Variants in PIGB observed in about 807,000 individuals in gnomAD.
PIGB encodes the protein GPI alpha-1,2-mannosyltransferase 3.
Under a neutral mutation model 68.4 loss-of-function variants are expected in PIGB, and 58 were observed. The ratio of observed to expected loss-of-function variants is 0.85; its 90% CI spans 0.69 to 1.06. PIGB has a LOEUF of 1.06. Among genes scored for constraint, PIGB ranks in the 50% least tolerant of loss-of-function variants. The pLI, the probability that PIGB is intolerant of heterozygous loss-of-function variation, is 0.00. For synonymous variants in PIGB, 219 were observed against 220.5 expected, an observed-to-expected ratio of 0.99 and a Z score of 0.06; for missense variants, 634 against 655.8, an observed-to-expected ratio of 0.97 and a Z score of 0.36.
chr15:55,323,878 G>A (rs904360345), intron 3 of PIGB, among the ~76,000 whole-genome samples: 15 of 152,150 alleles, frequency 9.9e-5, no homozygotes, highest in African/African-American at 3.1e-4. Context: ...GGGAACCACA[G>A]TAAGGTTTGT....
At chr15:55,336,971 C>T (rs12050663) in intron 6 of PIGB, among the ~76,000 whole-genome samples, 48,070 of 152,100 alleles carry the variant, frequency 0.32, 8,457 homozygotes, top group East Asian at 0.56. Flanking sequence ...GCCTGGGCAA[C>T]AGAGTGAGGC....
rs138854023 is a variant in PIGB, at chr15:55,325,365, G to A, written c.418-2166G>A. On this transcript the variant is annotated intron_variant, in intron 3 of 11. Transcript: ENST00000164305. Reference sequence around the variant, plus strand: ...AAAATAAAAAAATAAATAAACTCACGTATAAATTTTTAGAAACACATCTTT... The same window carrying A: ...AAAATAAAAAAATAAATAAACTCACATATAAATTTTTAGAAACACATCTTT... Among the ~76,000 whole-genome samples the A allele has an allele frequency of 1.4e-4, 21 of 151,986 alleles. 1 individual carries two copies. The Middle Eastern group carries it at 0.017, about 123-fold the overall frequency.
chr15:55,352,464 G>A (rs1226997658), intron 10 of PIGB, among the ~76,000 whole-genome samples: 1 of 152,166 alleles, frequency 6.6e-6, no homozygotes, highest in African/African-American at 2.4e-5. Flanking sequence ...TAATGGTATA[G>A]GGGCAAAGGA....
At chr15:55,341,300 G>C (rs962002274) in intron 8 of PIGB, among the ~76,000 whole-genome samples, 1 of 152,196 alleles carries the variant, frequency 6.6e-6, no homozygotes, top group African/African-American at 2.4e-5. Context: ...ATTTAAGGTT[G>C]CAGTGAGCTA....
At chr15:55,333,292 C>A (rs1402145482) in intron 5 of PIGB, among the ~76,000 whole-genome samples, 1 of 152,062 alleles carries the variant, frequency 6.6e-6, no homozygotes, top group African/African-American at 2.4e-5. Context: ...AAGTAACCTG[C>A]AAAAGTTAAT....
At position 55,355,372 on chromosome 15, in the gene PIGB, TCA is replaced by T; in HGVS notation, c.1608_1609del (p.Tyr538CysfsTer3). The stretch of plus-strand genomic sequence containing the variant: ...ACTTGCCAGAGGGTCGAATTGGAAG[TCA>T]CATATATGTCTATGAACGGAAGTTA... Reference protein sequence around the residue: ...THLPEGRIGSHIYVYERKLKG... With the variant: ...THLPEGRIGSXIYVYERKLKG... On this transcript the variant is annotated frameshift_variant, in exon 12 of 12. Coordinates refer to ENST00000164305, the MANE Select transcript of PIGB (RefSeq NM_004855.5). LOFTEE classifies it high-confidence loss of function. The T allele has an allele frequency of 6.2e-7, 1 of 1,611,668 alleles. No homozygotes were observed. The highest frequency in any genetic ancestry group is 8.5e-7 in the Non-Finnish European group (1 of 1,177,928).
chr15:55,332,806 T>C (rs1020298452), intron 5 of PIGB, among the ~76,000 whole-genome samples: 2 of 152,250 alleles, frequency 1.3e-5, no homozygotes, highest in African/African-American at 4.8e-5. Flanking sequence ...TCCATAGTCC[T>C]CATGATTAAA....
chr15:55,323,039 G>A (rs1415699573), intron 3 of PIGB, among the ~76,000 whole-genome samples: 2 of 152,122 alleles, frequency 1.3e-5, no homozygotes, highest in Non-Finnish European at 2.9e-5. Context: ...GTCATTTTGT[G>A]ATGTGAAGGA....
At chr15:55,342,280 G>T (rs958237175) in intron 9 of PIGB, among the ~76,000 whole-genome samples, 5 of 152,138 alleles carry the variant, frequency 3.3e-5, no homozygotes, top group African/African-American at 1.2e-4. Flanking sequence ...AAACTGTAAG[G>T]GTCTTCATTT....
intron 9 of PIGB, among the ~76,000 whole-genome samples, chr15:55,347,783 A>G (rs2055827767): frequency 6.6e-6 from 1 of 152,182 alleles, no homozygotes; most frequent in Non-Finnish European, 1.5e-5. Context: ...CTAAGCTCAG[A>G]GAGTTAAAAT....
intron 10 of PIGB, chr15:55,351,496 T>C (rs576924058): frequency 2.0e-5 from 3 of 152,412 alleles, no homozygotes; most frequent in African/African-American, 7.2e-5. Context: ...CTGATAGTCT[T>C]CTTAGTAAAG....
intron 9 of PIGB, chr15:55,346,433 C>T (rs2055796416): frequency 2.6e-5 from 4 of 152,186 alleles, no homozygotes; most frequent in Admixed American, 2.6e-4. Context: ...TAGTCCCATT[C>T]CCCAGAGGTA....
intron 10 of PIGB, among the ~76,000 whole-genome samples, chr15:55,352,650 G>T (rs1342269820): frequency 6.6e-6 from 1 of 152,172 alleles, no homozygotes; most frequent in South Asian, 2.1e-4. Flanking sequence ...TTGGCCAGGT[G>T]TTGTGGCGCA....
intron 9 of PIGB, 134 bp downstream of exon 9, chr15:55,341,936 C>T (rs1452594370): frequency 2.7e-6 from 1 of 372,236 alleles, no homozygotes; most frequent in Non-Finnish European, 4.8e-6. Flanking sequence ...TATATTACTG[C>T]AATATTCCCT....
intron 6 of PIGB, among the ~76,000 whole-genome samples, chr15:55,334,931 C>G (rs1044925694): frequency 6.6e-6 from 1 of 152,152 alleles, no homozygotes; most frequent in Non-Finnish European, 1.5e-5. Context: ...TGTTGGCCAG[C>G]TAGTCTCAAA....
At chr15:55,341,707 T>C in intron 8 of PIGB, 31 bp from the exon 9 acceptor site, 2 of 919,082 alleles carry the variant, frequency 2.2e-6, no homozygotes, top group South Asian at 2.1e-5. Context: ...TGATAATTAA[T>C]ATTTTTTAAT....
chr15:55,327,281 TACAC>T (rs1213030434), intron 3 of PIGB, among the ~76,000 whole-genome samples: 2 of 149,464 alleles, frequency 1.3e-5, no homozygotes, highest in Non-Finnish European at 3.0e-5. Flanking sequence ...ATGTCATATA[TACAC>T]ACACATACAG....
chr15:55,327,022 T>C (rs1355937832), intron 3 of PIGB, among the ~76,000 whole-genome samples: 1 of 151,930 alleles, frequency 6.6e-6, no homozygotes, highest in African/African-American at 2.4e-5. Context: ...TCCTAGCTAC[T>C]CAGTAGACTG....
chr15:55,347,973 G>A (rs2055834243), intron 9 of PIGB, among the ~76,000 whole-genome samples: 1 of 145,728 alleles, frequency 6.9e-6, no homozygotes, highest in African/African-American at 2.6e-5. Context: ...TATTCCTAGT[G>A]CCATAGTTTC....
Sources: gnomAD v4.1 joint callset for allele counts (sites outside exome capture counted in the v4.1 genomes callset) on GRCh38, gnomAD v4.1.1 for gene constraint, MANE v1.5 for transcripts, NCBI Gene and HGNC (gene_info 2026-07-23, HGNC 2026-07-21) for gene names.